Variants in INPP4B observed in about 807,000 individuals in gnomAD.
The protein encoded by INPP4B is inositol polyphosphate 4-phosphatase type II.
A neutral mutation model predicts 122.5 loss-of-function variants in INPP4B; 55 were observed. The ratio of observed to expected loss-of-function variants is 0.45; its 90% CI spans 0.36 to 0.56. The LOEUF (loss-of-function observed/expected upper bound fraction) is 0.56. Ranked by LOEUF, INPP4B falls within the 20% of genes least tolerant of loss-of-function variation. The pLI is 0.00. For synonymous variants in INPP4B, 403 were observed against 388.7 expected (o/e 1.04, Z -0.43); for missense variants, 1,000 against 1,097.7 (o/e 0.91, Z 1.26).
chr4:142,387,167 A>G (rs2148934781), intron 7 of INPP4B, among the ~76,000 whole-genome samples: 1 of 152,250 alleles, frequency 6.6e-6, no homozygotes, highest in African/African-American at 2.4e-5. Flanking sequence ...AACTGGTAGT[A>G]AATGGTAATA....
Position 142,452,520 on chromosome 4 carries a change from G to A in INPP4B, c.-127+10143C>T, listed in dbSNP as rs1814522008. ...AATCTTTAAAATACGGGGGTAAAAT[G>A]TTTCAACAGAAGGTAGAATTGAAGA... On this transcript the variant is annotated intron_variant, in intron 3 of 25. Coordinates refer to ENST00000262992, the MANE Select transcript of INPP4B (RefSeq NM_001101669.3). 2.0e-5 allele frequency among the ~76,000 whole-genome samples: 3 copies of A among 152,174 alleles called. No homozygotes were observed. The South Asian group carries it at 6.2e-4, about 32-fold the overall frequency.
intron 2 of INPP4B, among the ~76,000 whole-genome samples, chr4:142,660,533 T>C (rs1241255895): frequency 6.6e-6 from 1 of 152,028 alleles, no homozygotes; most frequent in Non-Finnish European, 1.5e-5. Flanking sequence ...AGATGCATTT[T>C]CCAAACAGGA....
intron 14 of INPP4B, among the ~76,000 whole-genome samples, chr4:142,203,879 A>G (rs1274966856): frequency 6.6e-6 from 1 of 152,152 alleles, no homozygotes; most frequent in Non-Finnish European, 1.5e-5. Flanking sequence ...ATAACTTGCC[A>G]GTAAAATGCC....
chr4:142,677,550 T>C (rs774560702), intron 2 of INPP4B, among the ~76,000 whole-genome samples: 1 of 152,136 alleles, frequency 6.6e-6, no homozygotes, highest in Non-Finnish European at 1.5e-5. Context: ...CATGCATGTT[T>C]ATTGTGGCAC....
chr4:142,199,583 T>C (rs1329537669), intron 14 of INPP4B, among the ~76,000 whole-genome samples: 1 of 152,038 alleles, frequency 6.6e-6, no homozygotes, highest in Non-Finnish European at 1.5e-5. Context: ...TTTTTTCTCT[T>C]CTAGGATCCT....
chr4:142,035,398 A>G (rs2645827), intron 25 of INPP4B, among the ~76,000 whole-genome samples: 15,791 of 152,130 alleles, frequency 0.1, 1,485 homozygotes, highest in African/African-American at 0.25. Context: ...TATTTTGTGC[A>G]CCTACGTTGG....
At chr4:142,371,400 C>A (rs1579874772) in intron 7 of INPP4B, among the ~76,000 whole-genome samples, 1 of 152,000 alleles carries the variant, frequency 6.6e-6, no homozygotes, top group Admixed American at 6.6e-5. Context: ...AAAGCACAGG[C>A]AGCAGAAAGA....
chr4:142,193,730 C>T (rs1458582065), intron 14 of INPP4B, among the ~76,000 whole-genome samples: 1 of 152,130 alleles, frequency 6.6e-6, no homozygotes, highest in Admixed American at 6.6e-5. Flanking sequence ...CAAATAGATG[C>T]TTTTGCAATT....
intron 2 of INPP4B, among the ~76,000 whole-genome samples, chr4:142,616,973 A>G (rs1225868383): frequency 6.6e-6 from 1 of 152,114 alleles, no homozygotes; most frequent in Non-Finnish European, 1.5e-5. Context: ...GGAATTAAAT[A>G]CTACCTATTG....
intron 5 of INPP4B, among the ~76,000 whole-genome samples, chr4:142,414,861 C>A (rs976455090): frequency 6.6e-6 from 1 of 152,130 alleles, no homozygotes; most frequent in Non-Finnish European, 1.5e-5. Context: ...TTGGAAACAA[C>A]AAGTGTTTGC....
intron 15 of INPP4B, among the ~76,000 whole-genome samples, chr4:142,192,608 C>T (rs13132560): frequency 2.0e-5 from 3 of 151,960 alleles, no homozygotes; most frequent in Non-Finnish European, 4.4e-5. Flanking sequence ...AATACTCATG[C>T]CTTTCCCTAA....
chr4:142,392,430 C>A (rs928615720), intron 7 of INPP4B, among the ~76,000 whole-genome samples: 3 of 152,198 alleles, frequency 2.0e-5, no homozygotes, highest in African/African-American at 7.2e-5. Context: ...CAACCTTATA[C>A]ATGGATAACC....
intron 2 of INPP4B, among the ~76,000 whole-genome samples, chr4:142,503,302 G>A (rs1425465405): frequency 6.6e-6 from 1 of 152,126 alleles, no homozygotes; most frequent in Non-Finnish European, 1.5e-5. Flanking sequence ...TAAAAAGTAA[G>A]AGTTAATGAA....
At chr4:142,198,036 T>C (rs947873236) in intron 14 of INPP4B, among the ~76,000 whole-genome samples, 3 of 152,144 alleles carry the variant, frequency 2.0e-5, no homozygotes, top group Admixed American at 2.0e-4. Context: ...ACATTGTAGA[T>C]GTTTATTTCT....
At chr4:142,540,390 A>T (rs1206648785) in intron 2 of INPP4B, among the ~76,000 whole-genome samples, 2 of 151,724 alleles carry the variant, frequency 1.3e-5, no homozygotes, top group Non-Finnish European at 2.9e-5. Context: ...ATAGGGTGAT[A>T]CTGAAAATGG....
chr4:142,760,725 T>G (rs1415575398), intron 1 of INPP4B, among the ~76,000 whole-genome samples: 1 of 152,166 alleles, frequency 6.6e-6, no homozygotes. Context: ...GGACTTTTTA[T>G]GAAGAAAAGT....
At chr4:142,764,505 C>A (rs1771795231) in intron 1 of INPP4B, among the ~76,000 whole-genome samples, 1 of 152,046 alleles carries the variant, frequency 6.6e-6, no homozygotes, top group African/African-American at 2.4e-5. Flanking sequence ...TTAGTTGGGG[C>A]TCTAATGATA....
intron 20 of INPP4B, among the ~76,000 whole-genome samples, 177 bp downstream of exon 20, chr4:142,123,115 A>G (rs1797246347): frequency 6.6e-6 from 1 of 152,178 alleles, no homozygotes; most frequent in Admixed American, 6.6e-5. Flanking sequence ...TTTTCAAAGC[A>G]TAATAGGAGG....
chr4:142,256,486 G>A (rs1736146493), intron 11 of INPP4B, among the ~76,000 whole-genome samples: 1 of 152,086 alleles, frequency 6.6e-6, no homozygotes, highest in East Asian at 1.9e-4. Flanking sequence ...AAAGAGAGAA[G>A]AATCAAATAG....
Sources: gnomAD v4.1 joint callset for allele counts (sites outside exome capture counted in the v4.1 genomes callset) on GRCh38, gnomAD v4.1.1 for gene constraint, MANE v1.5 for transcripts, NCBI Gene and HGNC (gene_info 2026-07-23, HGNC 2026-07-21) for gene names.